DNAH12: variants seen among roughly 807,000 people sequenced by gnomAD.
The protein encoded by DNAH12 is dynein axonemal heavy chain 12, also known as axonemal beta dynein heavy chain 12.
In DNAH12, 285 loss-of-function variants were observed where a neutral mutation model predicts 371.5. The observed-to-expected ratio is 0.77, with a 90% CI of 0.70 to 0.85. DNAH12 has a LOEUF of 0.85. DNAH12 is among the 40% of genes least tolerant of loss of function. The pLI is 0.00. For missense variants in DNAH12, 3,611 were observed against 3,689.4 expected (o/e 0.98, Z 0.55); for synonymous variants, 1,200 against 1,213.0 (o/e 0.99, Z 0.22).
Position 57,428,638 on chromosome 3 carries a change from AT to A in DNAH12, c.5247del (p.Lys1749AsnfsTer5), listed in dbSNP as rs761198137. The A allele has an allele frequency of 1.3e-6, 2 of 1,528,984 alleles. No homozygotes were observed. Among genetic ancestry groups the A allele is most frequent in the South Asian group, 2.5e-5 (2 of 79,454 alleles). The allele number at this position is 1,528,984 out of a possible 1,614,324, so 94.7% of individuals were successfully genotyped here. A position where few individuals can be genotyped will look rare whatever the true frequency, so the allele number is the denominator to read the frequency against. On this transcript the variant is annotated frameshift_variant, in exon 34 of 74. Coordinates refer to ENST00000495027, the MANE Select transcript of DNAH12 (RefSeq NM_001366028.2). LOFTEE classifies it high-confidence loss of function. ...IPPSLNQRKK[K>X]CKELIPTSNS... ...TCAGAGAATTATAGGATTACCTTGCATTTTTTCTTACGCTGGTTTAAAGAGG... is the reference window on the plus strand; with the variant it reads ...TCAGAGAATTATAGGATTACCTTGCATTTTTCTTACGCTGGTTTAAAGAGG...
chr3:57,378,965 C>T (rs2063334147), intron 52 of DNAH12, among the ~76,000 whole-genome samples, 193 bp downstream of exon 52: 1 of 152,192 alleles, frequency 6.6e-6, no homozygotes, highest in Non-Finnish European at 1.5e-5. Flanking sequence ...CACACCAGCC[C>T]CAACCAGGTT....
intron 55 of DNAH12, among the ~76,000 whole-genome samples, chr3:57,374,735 G>C (rs2063245924): frequency 6.6e-6 from 1 of 151,396 alleles, no homozygotes; most frequent in Non-Finnish European, 1.5e-5. Context: ...GAGTACCAAT[G>C]CATGCAATAA....
At chr3:57,475,864 A>G (rs1275124535) in intron 13 of DNAH12, among the ~76,000 whole-genome samples, 1 of 152,194 alleles carries the variant, frequency 6.6e-6, no homozygotes, top group Non-Finnish European at 1.5e-5. Flanking sequence ...TTAGAAAAGA[A>G]TTTTGCCTTA....
At chr3:57,534,777 G>A (rs1037818460) in intron 2 of DNAH12, among the ~76,000 whole-genome samples, 1 of 152,102 alleles carries the variant, frequency 6.6e-6, no homozygotes, top group African/African-American at 2.4e-5. Flanking sequence ...CCAAAGTGCT[G>A]GGATTACAGG....
chr3:57,449,651 G>A lies in DNAH12; in HGVS notation c.3787-2962C>T, dbSNP rs373784773. ...GCCGGCTGCTCAGAGTGCGGGGCCC[G>A]CCAAGCCCACGCCCACCTGTAACTC... On this transcript the variant is annotated intron_variant, in intron 25 of 73. Coordinates refer to ENST00000495027, the MANE Select transcript of DNAH12 (RefSeq NM_001366028.2). Among the ~76,000 whole-genome samples the A allele has an allele frequency of 8.2e-4, 125 of 152,322 alleles. 3 individuals carry two copies. In the South Asian group the frequency reaches 0.025, roughly 30 times the overall value.
At chr3:57,455,607 T>A (rs2065881905) in intron 22 of DNAH12, among the ~76,000 whole-genome samples, 1 of 151,864 alleles carries the variant, frequency 6.6e-6, no homozygotes, top group Non-Finnish European at 1.5e-5. Flanking sequence ...ACTAGTCAAA[T>A]AGATTATGTA....
Position 57,428,667 on chromosome 3 carries a change from G to C in DNAH12, c.5219C>G (p.Pro1740Arg). Residue 1740 changes from proline (P) to arginine (R), a missense_variant, in exon 34 of 74, where the codon CCA (proline) becomes CGA (arginine). Pro to Arg is a moderately radical substitution (Grantham distance 103). Around this residue, in one of 3 missense-constraint regions of DNAH12, gnomAD observed 2,266 missense variants for 2,236.9 expected, o/e 1.01. Transcript: ENST00000495027. The part of the protein sequence containing the change: ...LLRGLFAWLI[P>R]PSLNQRKKKC... The stretch of plus-strand genomic sequence containing the variant: ...TTTCTTACGCTGGTTTAAAGAGGGT[G>C]GTATTAACCAGGCAAAAAGTCCTCT... 1 of 1,544,358 alleles carries C rather than the reference G, an allele frequency of 6.5e-7. No individual in the cohort carries two copies.
At chr3:57,384,112 C>G (rs1325663268) in intron 49 of DNAH12, among the ~76,000 whole-genome samples, 6 of 152,030 alleles carry the variant, frequency 3.9e-5, no homozygotes, top group African/African-American at 9.7e-5. Flanking sequence ...TCTGGTCTTG[C>G]CTAAAGACCT....
At chr3:57,504,258 A>G in intron 8 of DNAH12, 54 bp from the exon 9 acceptor site, 2 of 1,463,706 alleles carry the variant, frequency 1.4e-6, no homozygotes, top group South Asian at 1.3e-5. Context: ...ACCTTTAACT[A>G]AAATCAGTAA....
intron 12 of DNAH12, among the ~76,000 whole-genome samples, chr3:57,485,821 C>T (rs1266313774): frequency 6.6e-6 from 1 of 152,020 alleles, no homozygotes; most frequent in Non-Finnish European, 1.5e-5. Flanking sequence ...TTCGGGGACT[C>T]GGTGTGGGGA....
rs143836857 is a variant in DNAH12 at position 57,502,336 on chromosome 3, A to G, written c.1230T>C (p.His410=). The change falls in exon 10 of 74, where the codon CAT becomes CAC. Residue 410 remains histidine, a synonymous_variant. Transcript: ENST00000495027. ...VHRNLEGARK[H]YETYVEKYNW... is the part of the protein sequence containing the mutation. ...TGTCATACACACCATATGTCTCATA[A>G]TGCTTTCTTGCACCTTCTAAGTTCC... The G allele has an allele frequency of 1.5e-5, 25 of 1,614,094 alleles. No individual in the cohort carries two copies. The African/African-American group carries it at 2.9e-4, about 19-fold the overall frequency.
chr3:57,475,516 A>T (rs2066496110), intron 13 of DNAH12, among the ~76,000 whole-genome samples: 1 of 152,170 alleles, frequency 6.6e-6, no homozygotes, highest in African/African-American at 2.4e-5. Context: ...ACTACATTGA[A>T]CTGTATACTT....
intron 25 of DNAH12, among the ~76,000 whole-genome samples, chr3:57,447,850 T>A (rs182009707): frequency 6.6e-6 from 1 of 152,208 alleles, no homozygotes; most frequent in Admixed American, 6.5e-5. Flanking sequence ...ATTTTTTGTA[T>A]TTTTAGTAGA....
At chr3:57,347,070 A>G in intron 60 of DNAH12, among the ~76,000 whole-genome samples, 1 of 152,206 alleles carries the variant, frequency 6.6e-6, no homozygotes, top group Middle Eastern at 3.2e-3. Flanking sequence ...AAGAAATTAA[A>G]CCAATTCCAC....
rs542678813 is a variant in DNAH12 at position 57,408,286 on chromosome 3, A to T, written c.6270T>A (p.Thr2090=). ...FVIGNQIVNG[T]MEIYKQSVEN... is the part of the protein sequence containing the mutation. ...CATTGCATTATTGACTGACCTCCATAGTCCCATTGACTATCTGGTTCCCAA... is the reference window on the plus strand; with the variant it reads ...CATTGCATTATTGACTGACCTCCATTGTCCCATTGACTATCTGGTTCCCAA... Residue 2090 remains threonine (T), a synonymous_variant, in exon 40 of 74, where the codon ACT becomes ACA. Transcript: ENST00000495027. 4 of 1,547,652 alleles carry T rather than the reference A, an allele frequency of 2.6e-6. No homozygotes were observed. Among genetic ancestry groups the T allele is most frequent in the African/African-American group, 2.7e-5 (2 of 72,994 alleles).
intron 62 of DNAH12, among the ~76,000 whole-genome samples, chr3:57,332,957 A>G (rs187770868): frequency 6.6e-5 from 10 of 152,320 alleles, no homozygotes; most frequent in African/African-American, 1.2e-4. Context: ...CAAATCTTAA[A>G]CAATATTTGA....
chr3:57,387,173 TC>T lies in DNAH12; in HGVS notation c.7351del (p.Glu2451LysfsTer13), dbSNP rs1471517550. Reference protein sequence around the residue: ...ALERVAVKFLETLELTEVEQQ... With the variant: ...ALERVAVKFLXTLELTEVEQQ... ...TTCAACCTCAGTAAGCTCCAGTGTT[TC>T]TAAGAATTTCACAGCTACACGTTCA... On this transcript the variant is annotated frameshift_variant, in exon 46 of 74. Transcript: ENST00000495027. LOFTEE classifies it high-confidence loss of function. The T allele has an allele frequency of 6.6e-6, 1 of 152,188 alleles. No individual in the cohort carries two copies. Among genetic ancestry groups the T allele is most frequent in the Non-Finnish European group, 1.5e-5 (1 of 68,034 alleles). The allele number at this position is 152,188 out of a possible 1,614,324, so 9.4% of individuals were successfully genotyped here. A position where few individuals can be genotyped will look rare whatever the true frequency, so the allele number is the denominator to read the frequency against.
At chr3:57,440,080 A>G (rs1157569006) in intron 29 of DNAH12, among the ~76,000 whole-genome samples, 1 of 152,244 alleles carries the variant, frequency 6.6e-6, no homozygotes, top group African/African-American at 2.4e-5. Flanking sequence ...TGTTGGTAGG[A>G]ATGCAAATTA....
intron 50 of DNAH12, among the ~76,000 whole-genome samples, chr3:57,381,895 T>G: frequency 6.6e-6 from 1 of 150,978 alleles, no homozygotes. Flanking sequence ...TTAGCTGAAG[T>G]CTCACTTTGT....
Sources: allele counts gnomAD v4.1 joint callset (sites outside exome capture counted in the v4.1 genomes callset), GRCh38; gene constraint gnomAD v4.1.1; regional missense constraint gnomAD v4.1.1; transcripts MANE v1.5; gene names NCBI Gene and HGNC (gene_info 2026-07-23, HGNC 2026-07-21).